TRPM6: variants seen among roughly 807,000 people sequenced by gnomAD.
TRPM6 encodes the protein channel kinase 2.
Under a neutral mutation model 247.6 loss-of-function variants are expected in TRPM6, and 111 were observed. The observed-to-expected ratio is 0.45, with a 90% CI of 0.38 to 0.52. The LOEUF is 0.52. Among genes scored for constraint, TRPM6 ranks in the 20% least tolerant of loss-of-function variants. The pLI, the probability that TRPM6 is intolerant of heterozygous loss-of-function variation, is 0.00. For synonymous variants in TRPM6, 892 were observed against 853.8 expected (o/e 1.04, Z -0.78); for missense variants, 2,126 against 2,421.5 (o/e 0.88, Z 2.56).
In TRPM6 at chr9:74,739,376, T is replaced by C. The variant is rs1225528053; in HGVS notation, c.5561A>G (p.Tyr1854Cys). The C allele has an allele frequency of 6.2e-7, 1 of 1,614,140 alleles. No homozygotes were observed. Among genetic ancestry groups the C allele is most frequent in the South Asian group, 1.1e-5 (1 of 91,084 alleles). ...GCCAAGATTTTCTTACCTTGGTGTGTAGGGTATGGTTTGTGGTTTCACTTG... is the reference window on the plus strand; with the variant it reads ...GCCAAGATTTTCTTACCTTGGTGTGCAGGGTATGGTTTGTGGTTTCACTTG... ...FNQVKPQTIP[Y>C]TPRFLEVFLI... Residue 1854 changes from tyrosine to cysteine, a missense_variant, in exon 35 of 39, where the codon TAC becomes TGC. Transcript: ENST00000360774.
chr9:74,775,202 C>T (rs1423925439), intron 24 of TRPM6, among the ~76,000 whole-genome samples: 6 of 152,100 alleles, frequency 3.9e-5, no homozygotes, highest in Non-Finnish European at 5.9e-5. Flanking sequence ...CCCCTATTTC[C>T]GCATCCTGAC....
chr9:74,862,248 C>A (rs1255174195), intron 1 of TRPM6, among the ~76,000 whole-genome samples: 2 of 152,142 alleles, frequency 1.3e-5, no homozygotes, highest in Non-Finnish European at 2.9e-5. Flanking sequence ...ATGTTCAGTT[C>A]AACAGAGAAC....
Position 74,776,040 on chromosome 9 carries a change from G to A in TRPM6, c.3246C>T (p.Asn1082=), listed in dbSNP as rs772166512. Residue 1082 remains asparagine (N), a synonymous_variant, in exon 24 of 39, where the codon AAC becomes AAT. Transcript: ENST00000360774. ...AGCGATAGCGGTTGTATTTCCACAG[G>A]TTATTTGAAATGGATTCCATATCTA... ...VYLDMESISN[N]LWKYNRYRYI... The A allele has an allele frequency of 6.2e-7, 1 of 1,613,992 alleles. No individual in the cohort carries two copies. Among genetic ancestry groups the A allele is most frequent in the Admixed American group, 1.7e-5 (1 of 59,998 alleles).
chr9:74,761,981 T>A lies in TRPM6; in HGVS notation c.4672+18A>T. 3.1e-6 allele frequency: 5 copies of A among 1,611,680 alleles called. 1 individual carries two copies. The South Asian group carries it at 5.5e-5, about 18-fold the overall frequency. ...TGCAAAGGACTTAATGCTGATATTT[T>A]AAATGTTTATTCCTTACTTTTAATC... On this transcript the variant is annotated intron_variant, in intron 26 of 38. Coordinates refer to ENST00000360774, the MANE Select transcript of TRPM6 (RefSeq NM_017662.5).
At position 74,763,029 on chromosome 9, in the gene TRPM6, G is replaced by C. The variant is rs1826706367; in HGVS notation, c.3642C>G (p.Leu1214=). 1 of 1,614,004 alleles carries C rather than the reference G, an allele frequency of 6.2e-7. No individual in the cohort carries two copies. The highest frequency in any genetic ancestry group is 8.5e-7 in the Non-Finnish European group (1 of 1,180,008). Residue 1214 remains leucine (L), a synonymous_variant, in exon 26 of 39, where the codon CTC becomes CTG. Coordinates refer to ENST00000360774, the MANE Select transcript of TRPM6 (RefSeq NM_017662.5). ...TCAGGGTATCCACAGTCAGGGCAGAGAGATCCTGCAGGTGTCCCACCTGGC... is the reference window on the plus strand; with the variant it reads ...TCAGGGTATCCACAGTCAGGGCAGACAGATCCTGCAGGTGTCCCACCTGGC... ...LDSQVGHLQD[L]SALTVDTLKV...
rs1378648335 is a variant in TRPM6, at chr9:74,782,789, C to A, written c.2984G>T (p.Arg995Leu). 1 of 1,614,030 alleles carries A rather than the reference C, an allele frequency of 6.2e-7. No individual in the cohort carries two copies. The highest frequency in any genetic ancestry group is 2.2e-5 in the East Asian group (1 of 44,868). ...AIVLLSFGVA[R>L]KAILSPKEPP... is the part of the protein sequence containing the mutation. ...CTCTTTTGGCGAAAGGATGGCCTTG[C>A]GTGCCACTCCAAAGCTCAGCAGGAC... Residue 995 changes from arginine to leucine, a missense_variant, in exon 22 of 39, where the codon CGC (arginine) becomes CTC (leucine). Arg to Leu is a moderately radical substitution (Grantham distance 102). Around this residue, in one of 3 missense-constraint regions of TRPM6, gnomAD observed 1,082 missense variants for 1,307.9 expected, o/e 0.83. Coordinates refer to ENST00000360774, the MANE Select transcript of TRPM6 (RefSeq NM_017662.5).
Position 74,771,660 on chromosome 9 carries a change from TTG to T in TRPM6, c.3536+41_3536+42del, listed in dbSNP as rs1420329814. The T allele has an allele frequency of 3.8e-6, 6 of 1,599,476 alleles. No individual in the cohort carries two copies. In the Admixed American group the frequency reaches 8.4e-5, roughly 22 times the overall value. On this transcript the variant is annotated intron_variant, in intron 25 of 38. Coordinates refer to ENST00000360774, the MANE Select transcript of TRPM6 (RefSeq NM_017662.5). ...CTTTAGATATTCTAGCAGAATCACG[TTG>T]TGTTAGTGGTTTCAGAATGGAAAAG...
At chr9:74,863,588 G>T (rs1372247924) in intron 1 of TRPM6, among the ~76,000 whole-genome samples, 1 of 151,608 alleles carries the variant, frequency 6.6e-6, no homozygotes, top group African/African-American at 2.4e-5. Flanking sequence ...TCAAAAAAGT[G>T]ACTTTTTTTT....
intron 11 of TRPM6, among the ~76,000 whole-genome samples, chr9:74,815,854 T>C (rs1828905904): frequency 6.6e-6 from 1 of 152,234 alleles, no homozygotes; most frequent in Non-Finnish European, 1.5e-5. Flanking sequence ...TGTATTAGCT[T>C]GGCCCAAAAA....
At chr9:74,832,761 T>C (rs1328071835) in intron 6 of TRPM6, among the ~76,000 whole-genome samples, 1 of 152,110 alleles carries the variant, frequency 6.6e-6, no homozygotes, top group Non-Finnish European at 1.5e-5. Flanking sequence ...AAAATCAAAG[T>C]TAAAACAGGC....
chr9:74,775,918 G>T lies in TRPM6; in HGVS notation c.3368C>A (p.Ala1123Asp), dbSNP rs771132040. Residue 1123 changes from alanine (A) to aspartate (D), a missense_variant, in exon 24 of 39, where the codon GCT becomes GAT. Physicochemically the swap from Ala to Asp is moderately radical, Grantham distance 126 (BLOSUM62 -2). Around this residue, in one of 3 missense-constraint regions of TRPM6, gnomAD observed 717 missense variants for 715.9 expected, o/e 1.00. Transcript: ENST00000360774. Reference sequence around the variant, plus strand: ...GTCACCCTCTTCTTGGTCGTGAGGAGCTCGATGACAGCACAGGCGGCGGAG... The same window carrying T: ...GTCACCCTCTTCTTGGTCGTGAGGATCTCGATGACAGCACAGGCGGCGGAG... ...LLLRRLCCHR[A>D]PHDQEEGDVG... 14 of 1,614,064 alleles carry T rather than the reference G, an allele frequency of 8.7e-6. No individual in the cohort carries two copies. Among genetic ancestry groups the T allele is most frequent in the Non-Finnish European group, 1.1e-5 (13 of 1,180,044 alleles).
At position 74,842,339 on chromosome 9, in the gene TRPM6, A is replaced by G; in HGVS notation, c.157T>C (p.Tyr53His). 6.2e-7 allele frequency: 1 copy of G among 1,614,184 alleles called. No individual in the cohort carries two copies. The highest frequency in any genetic ancestry group is 8.5e-7 in the Non-Finnish European group (1 of 1,180,036). The change falls in exon 4 of 39, where the codon TAC becomes CAC. Residue 53 changes from tyrosine to histidine, a missense_variant. Physicochemically the swap from Tyr to His is moderately conservative, Grantham distance 83. This residue lies in a region of TRPM6 where 1,082 missense variants were observed against 1,307.9 expected (regional missense o/e 0.83). Coordinates refer to ENST00000360774, the MANE Select transcript of TRPM6 (RefSeq NM_017662.5). ...TGGTCTCCAATCAGTCGGCCACAGT[A>G]ACACCTTAAATTCAAGACCAAAAAA... Reference protein sequence around the residue: ...CQVCQNLIRCYCGRLIGDHAG... With the variant: ...CQVCQNLIRCHCGRLIGDHAG...
chr9:74,831,413 C>T (rs1829542643), intron 6 of TRPM6, among the ~76,000 whole-genome samples: 4 of 152,180 alleles, frequency 2.6e-5, no homozygotes, highest in African/African-American at 9.6e-5. Context: ...TCGCTTGAAC[C>T]CAGGAGGCGG....
In TRPM6 at chr9:74,787,187, T is replaced by G. The variant is rs979517588; in HGVS notation, c.2668-1062A>C. Among the ~76,000 whole-genome samples the G allele has an allele frequency of 1.8e-4, 28 of 151,980 alleles. 1 individual carries two copies. The highest frequency in any genetic ancestry group is 2.9e-5 in the Non-Finnish European group (2 of 67,998). On this transcript the variant is annotated intron_variant, in intron 20 of 38. Transcript: ENST00000360774. ...CTGTCTCTGCTAAAAATACAAAAAT[T>G]AGCTGGGTGTGGTGGCAGGCACCTG...
chr9:74,815,276 A>C (rs890429064), intron 11 of TRPM6, among the ~76,000 whole-genome samples: 1 of 152,208 alleles, frequency 6.6e-6, no homozygotes, highest in East Asian at 1.9e-4. Context: ...ATAGGAAAAA[A>C]AAATGGTGAC....
At chr9:74,855,399 ACTTCC>A in intron 3 of TRPM6, 123 bp downstream of exon 3, 1 of 754,334 alleles carries the variant, frequency 1.3e-6, no homozygotes, top group Non-Finnish European at 2.4e-6. Flanking sequence ...TCTTTTTAAA[ACTTCC>A]CTTGGAAAGG....
chr9:74,824,511 GAAAAAAAAAAAAAAAAAAAAAAA>G (rs59044061), intron 7 of TRPM6, among the ~76,000 whole-genome samples: 2 of 46,966 alleles, frequency 4.3e-5, no homozygotes, highest in East Asian at 1.8e-3. Flanking sequence ...GGCTTTTTCT[GAAAAAAAAAAAAAAAAAAAAAAA>G]AAAAAAAAAA....
At chr9:74,847,329 C>A (rs1156338080) in intron 3 of TRPM6, among the ~76,000 whole-genome samples, 2 of 152,174 alleles carry the variant, frequency 1.3e-5, no homozygotes, top group Admixed American at 6.6e-5. Context: ...GCCTCCCATG[C>A]AGCTGGAATT....
At chr9:74,843,121 A>G (rs1276238590) in intron 3 of TRPM6, among the ~76,000 whole-genome samples, 2 of 152,212 alleles carry the variant, frequency 1.3e-5, no homozygotes, top group East Asian at 1.9e-4. Flanking sequence ...ACAATGGTCT[A>G]TCTTCACCAG....
Sources: gnomAD v4.1 joint callset for allele counts (sites outside exome capture counted in the v4.1 genomes callset) on GRCh38, gnomAD v4.1.1 for gene constraint, gnomAD v4.1.1 regional missense constraint, MANE v1.5 for transcripts, NCBI Gene and HGNC (gene_info 2026-07-23, HGNC 2026-07-21) for gene names.